Variants in LRBA observed in about 807,000 individuals in gnomAD.
The protein encoded by LRBA is LPS responsive beige-like anchor protein, also known as lipopolysaccharide-responsive and beige-like anchor protein.
LRBA carries 176 observed loss-of-function variants against 330.0 expected under a neutral mutation model. The ratio of observed to expected loss-of-function variants is 0.53; its 90% CI spans 0.47 to 0.60. The LOEUF (loss-of-function observed/expected upper bound fraction) is 0.60. LRBA is among the 20% of genes least tolerant of loss of function. The pLI, the probability that LRBA is intolerant of heterozygous loss-of-function variation, is 0.00. For synonymous variants in LRBA, 1,230 were observed against 1,193.0 expected (o/e 1.03, Z -0.64); for missense variants, 3,259 against 3,444.8 (o/e 0.95, Z 1.35).
chr4:150,940,401 C>CA (rs1001280623), intron 2 of LRBA, among the ~76,000 whole-genome samples: 1 of 151,952 alleles, frequency 6.6e-6, no homozygotes, highest in African/African-American at 2.4e-5. Flanking sequence ...GATGCTTTCT[C>CA]AAAAAAACAA....
At chr4:150,329,592 T>G (rs376088058) in intron 48 of LRBA, among the ~76,000 whole-genome samples, 2 of 152,000 alleles carry the variant, frequency 1.3e-5, no homozygotes, top group South Asian at 2.1e-4. Context: ...CAACTTAAGC[T>G]TGCTTTCTTG....
intron 13 of LRBA, among the ~76,000 whole-genome samples, chr4:150,905,236 A>T (rs1460628478): frequency 6.6e-6 from 1 of 152,144 alleles, no homozygotes; most frequent in African/African-American, 2.4e-5. Flanking sequence ...AATTTGAATT[A>T]ACGTGAAATT....
intron 33 of LRBA, 145 bp downstream of exon 33, chr4:150,806,126 C>T: frequency 2.1e-6 from 1 of 480,656 alleles, no homozygotes; most frequent in Non-Finnish European, 3.6e-6. Context: ...ACATGTGACA[C>T]AGTCTTCAAA....
At chr4:150,657,614 TAC>T (rs1460561790) in intron 37 of LRBA, among the ~76,000 whole-genome samples, 1 of 152,014 alleles carries the variant, frequency 6.6e-6, no homozygotes, top group Non-Finnish European at 1.5e-5. Context: ...GAATTCATAG[TAC>T]AGTTTCCCCA....
At chr4:150,861,739 T>C (rs1381006078) in intron 22 of LRBA, among the ~76,000 whole-genome samples, 1 of 152,190 alleles carries the variant, frequency 6.6e-6, no homozygotes, top group African/African-American at 2.4e-5. Flanking sequence ...ATTTTAACTT[T>C]TTAAACATTT....
chr4:150,899,173 A>G (rs1327550812), intron 14 of LRBA, among the ~76,000 whole-genome samples: 1 of 152,208 alleles, frequency 6.6e-6, no homozygotes, highest in Non-Finnish European at 1.5e-5. Flanking sequence ...AAAAATGGGC[A>G]CATGATACAA....
rs767727687 is a variant in LRBA, at chr4:150,467,650, T to G, written c.6780+23A>C. On this transcript the variant is annotated intron_variant, in intron 44 of 56. Transcript: ENST00000651943. ...TTTTTATATGCAAGACAATTATATTTCACATCATTACTGAGAAATTACCTT... is the reference window on the plus strand; with the variant it reads ...TTTTTATATGCAAGACAATTATATTGCACATCATTACTGAGAAATTACCTT... 3 of 1,319,826 alleles carry G rather than the reference T, an allele frequency of 2.3e-6. No homozygotes were observed. The African/African-American group carries it at 4.4e-5, about 19-fold the overall frequency. 81.8% of individuals were successfully genotyped at this position (1,319,826 alleles called of 1,614,324 possible).
chr4:150,500,269 T>TA (rs34244316), intron 40 of LRBA, among the ~76,000 whole-genome samples: 10,156 of 144,094 alleles, frequency 0.07, 537 homozygotes, highest in East Asian at 0.19. Flanking sequence ...AAGGTAAAGT[T>TA]AAAAAAAAAA....
intron 47 of LRBA, among the ~76,000 whole-genome samples, chr4:150,387,875 A>G (rs771645216): frequency 6.6e-6 from 1 of 152,226 alleles, no homozygotes; most frequent in Non-Finnish European, 1.5e-5. Flanking sequence ...TTTGACAGCT[A>G]TTACAGGTAG....
chr4:150,772,764 A>T (rs915305226), intron 34 of LRBA, among the ~76,000 whole-genome samples: 1 of 152,112 alleles, frequency 6.6e-6, no homozygotes, highest in Non-Finnish European at 1.5e-5. Context: ...GCACCATTAG[A>T]TCTCCTGGAG....
At chr4:150,500,837 G>A (rs1760170981) in intron 40 of LRBA, among the ~76,000 whole-genome samples, 1 of 152,278 alleles carries the variant, frequency 6.6e-6, no homozygotes, top group African/African-American at 2.4e-5. Context: ...GAAAAATTAG[G>A]AACATAGAAC....
chr4:150,547,445 C>A (rs900949472), intron 40 of LRBA, among the ~76,000 whole-genome samples: 3 of 152,132 alleles, frequency 2.0e-5, no homozygotes, highest in African/African-American at 7.2e-5. Context: ...GTTAAAGAAT[C>A]TGAAGTATTG....
At chr4:150,784,388 T>C (rs1353775867) in intron 34 of LRBA, among the ~76,000 whole-genome samples, 1 of 152,206 alleles carries the variant, frequency 6.6e-6, no homozygotes, top group Non-Finnish European at 1.5e-5. Flanking sequence ...TGAAACTGGG[T>C]CCACCCAAAC....
intron 40 of LRBA, among the ~76,000 whole-genome samples, chr4:150,501,181 C>T (rs909419432): frequency 4.6e-5 from 7 of 152,210 alleles, no homozygotes; most frequent in African/African-American, 1.4e-4. Context: ...ACAATCCTCA[C>T]TAGATTGGAG....
intron 28 of LRBA, among the ~76,000 whole-genome samples, chr4:150,839,948 A>G (rs1298948383): frequency 6.6e-6 from 1 of 151,356 alleles, no homozygotes; most frequent in Non-Finnish European, 1.5e-5. Flanking sequence ...CACCTTCATC[A>G]ATTTCTTAGC....
chr4:150,368,320 GAAA>G (rs201989897), intron 47 of LRBA, among the ~76,000 whole-genome samples: 2 of 149,854 alleles, frequency 1.3e-5, no homozygotes, highest in Non-Finnish European at 3.0e-5. Flanking sequence ...CCTTAAAAAG[GAAA>G]AAAAAATACT....
chr4:150,887,695 G>C (rs1490510632), intron 17 of LRBA, among the ~76,000 whole-genome samples: 1 of 147,966 alleles, frequency 6.8e-6, no homozygotes, highest in Non-Finnish European at 1.5e-5. Context: ...CATGAACCCA[G>C]GAGGCGGAGC....
At chr4:150,364,289 C>A (rs1739125182) in intron 47 of LRBA, among the ~76,000 whole-genome samples, 1 of 152,240 alleles carries the variant, frequency 6.6e-6, no homozygotes, top group African/African-American at 2.4e-5. Context: ...AGTATTTATG[C>A]TGTGCCCAGC....
chr4:150,680,341 G>A (rs1782946834), intron 37 of LRBA, among the ~76,000 whole-genome samples: 2 of 152,030 alleles, frequency 1.3e-5, no homozygotes, highest in South Asian at 4.1e-4. Flanking sequence ...CAATAGTCTA[G>A]GCATCAAAGA....
Sources: gnomAD v4.1 joint callset for allele counts (sites outside exome capture counted in the v4.1 genomes callset) on GRCh38, gnomAD v4.1.1 for gene constraint, MANE v1.5 for transcripts, NCBI Gene and HGNC (gene_info 2026-07-23, HGNC 2026-07-21) for gene names.